BTBD9: variants seen among roughly 807,000 people sequenced by gnomAD.
The protein encoded by BTBD9 is BTB domain containing 9, also known as BTB/POZ domain-containing protein 9.
In BTBD9, 49 loss-of-function variants were observed where a neutral mutation model predicts 64.3. That is an observed-to-expected ratio of 0.76 (90% CI 0.61 to 0.97). The LOEUF is 0.97. Among genes scored for constraint, BTBD9 ranks in the 50% least tolerant of loss-of-function variants. The probability of loss-of-function intolerance (pLI) is 0.00; values close to 1 mark genes in which losing one functional copy is unlikely to be tolerated. For missense variants in BTBD9, 598 were observed against 762.1 expected (o/e 0.78, Z 2.53); for synonymous variants, 260 against 274.7 (o/e 0.95, Z 0.53).
chr6:38,565,714 G>A (rs1429338628), intron 6 of BTBD9, among the ~76,000 whole-genome samples: 1 of 152,154 alleles, frequency 6.6e-6, no homozygotes, highest in African/African-American at 2.4e-5. Context: ...TCATGGAGAG[G>A]AATAAACGTA....
At chr6:38,560,578 T>C (rs1775222686) in intron 6 of BTBD9, among the ~76,000 whole-genome samples, 3 of 152,158 alleles carry the variant, frequency 2.0e-5, no homozygotes, top group Admixed American at 1.3e-4. Context: ...TGAAATTTAT[T>C]TTTTTTAACT....
intron 7 of BTBD9, among the ~76,000 whole-genome samples, chr6:38,338,891 T>C (rs1420676274): frequency 1.3e-5 from 2 of 152,212 alleles, no homozygotes; most frequent in Non-Finnish European, 2.9e-5. Context: ...CTAAGAGAAA[T>C]GCAGTTAAAA....
In BTBD9 at chr6:38,392,782, G is replaced by C. The variant is rs557541158; in HGVS notation, c.1155-47689C>G. On this transcript the variant is annotated intron_variant, in intron 6 of 10. Coordinates refer to ENST00000481247, the MANE Select transcript of BTBD9 (RefSeq NM_001099272.2). Reference sequence around the variant, plus strand: ...ACAAAACAAAACACCAAAAAATATAGAGTTAATTTATAAAGCACAAAAATA... The same window carrying C: ...ACAAAACAAAACACCAAAAAATATACAGTTAATTTATAAAGCACAAAAATA... Among the ~76,000 whole-genome samples the C allele has an allele frequency of 4.4e-4, 66 of 151,060 alleles. 1 individual carries two copies. In the South Asian group the frequency reaches 0.013, roughly 29 times the overall value.
At chr6:38,318,658 G>C (rs533444755) in intron 7 of BTBD9, among the ~76,000 whole-genome samples, 14 of 152,280 alleles carry the variant, frequency 9.2e-5, no homozygotes, top group Non-Finnish European at 1.8e-4. Flanking sequence ...CATGCTGGGG[G>C]AAGAGTGACA....
intron 6 of BTBD9, among the ~76,000 whole-genome samples, chr6:38,473,829 G>A (rs894181811): frequency 6.6e-6 from 1 of 152,102 alleles, no homozygotes; most frequent in African/African-American, 2.4e-5. Flanking sequence ...AAGGGGTGAT[G>A]GTAGTCAAAA....
At chr6:38,300,385 A>G (rs1160113590) in intron 7 of BTBD9, among the ~76,000 whole-genome samples, 1 of 152,060 alleles carries the variant, frequency 6.6e-6, no homozygotes, top group Admixed American at 6.6e-5. Context: ...TTTTTTTCCA[A>G]TTCTGTGAAG....
In BTBD9 at chr6:38,474,588, T is replaced by A. The variant is rs570552234; in HGVS notation, c.1154+103012A>T. On this transcript the variant is annotated intron_variant, in intron 6 of 10. Transcript: ENST00000481247. ...GAAGAGAAAAGAAAAAGGAAAGAGC[T>A]GAGAGTAACCTGAACTAATCAAAGC... 5.9e-5 allele frequency among the ~76,000 whole-genome samples: 9 copies of A among 152,208 alleles called. No individual in the cohort carries two copies. In the South Asian group the frequency reaches 1.2e-3, roughly 21 times the overall value.
intron 1 of BTBD9, among the ~76,000 whole-genome samples, chr6:38,629,513 T>C (rs1203658564): frequency 1.3e-5 from 2 of 152,184 alleles, no homozygotes; most frequent in Admixed American, 1.3e-4. Flanking sequence ...AAACCTCAAG[T>C]GAGAGACATA....
At chr6:38,387,112 T>C (rs1766206264) in intron 6 of BTBD9, among the ~76,000 whole-genome samples, 1 of 152,242 alleles carries the variant, frequency 6.6e-6, no homozygotes, top group Non-Finnish European at 1.5e-5. Context: ...GAATTTACTC[T>C]TGGACATTCA....
chr6:38,456,904 A>T (rs1419510809), intron 6 of BTBD9, among the ~76,000 whole-genome samples: 1 of 152,230 alleles, frequency 6.6e-6, no homozygotes, highest in Non-Finnish European at 1.5e-5. Flanking sequence ...TATCTGGCCT[A>T]GCATTATAAA....
chr6:38,292,290 G>A (rs1761992860), intron 7 of BTBD9, among the ~76,000 whole-genome samples: 1 of 152,114 alleles, frequency 6.6e-6, no homozygotes, highest in African/African-American at 2.4e-5. Flanking sequence ...TTGTTGTTGT[G>A]TCTCTGCCAG....
Position 38,199,196 on chromosome 6 carries a change from G to T in BTBD9, c.1563-6599C>A, listed in dbSNP as rs570932486. On this transcript the variant is annotated intron_variant, in intron 9 of 10. Coordinates refer to ENST00000481247, the MANE Select transcript of BTBD9 (RefSeq NM_001099272.2). ...TAGGCACAGCAGAGGGTAGAATCCT[G>T]TAGCAGCTGAGAGCAAAGGAGTTAC... Among the ~76,000 whole-genome samples, 5 of 152,290 alleles carry T rather than the reference G, an allele frequency of 3.3e-5. No homozygotes were observed. In the South Asian group the frequency reaches 1.0e-3, roughly 32 times the overall value.
chr6:38,517,785 A>G (rs1224557583), intron 6 of BTBD9, among the ~76,000 whole-genome samples: 1 of 152,124 alleles, frequency 6.6e-6, no homozygotes, highest in Admixed American at 6.6e-5. Context: ...TGTAAAGCAA[A>G]AGCTAGCTGG....
At chr6:38,182,604 G>A (rs901945396) in intron 10 of BTBD9, among the ~76,000 whole-genome samples, 1 of 152,156 alleles carries the variant, frequency 6.6e-6, no homozygotes, top group Non-Finnish European at 1.5e-5. Context: ...TGCCTGGGCG[G>A]TTCTTCACTT....
chr6:38,528,708 C>G (rs962827640), intron 6 of BTBD9, among the ~76,000 whole-genome samples: 11 of 152,152 alleles, frequency 7.2e-5, no homozygotes, highest in African/African-American at 2.7e-4. Context: ...GGGAAGGACC[C>G]AGTCCTGGCA....
intron 8 of BTBD9, among the ~76,000 whole-genome samples, chr6:38,258,415 T>C (rs924393283): frequency 1.3e-5 from 2 of 152,240 alleles, no homozygotes; most frequent in Admixed American, 1.3e-4. Flanking sequence ...CCATACAAAC[T>C]ATGTGTTTTA....
rs551711968 is a variant in BTBD9, at chr6:38,169,691, G to A, written c.*5294C>T. On this transcript the variant is annotated 3_prime_UTR_variant, in exon 11 of 11. Transcript: ENST00000481247. Reference sequence around the variant, plus strand: ...GTGACAGCCTTGGGGAGGCTGAGGGGGCTCTGTCAACCAGGGGACACTAGT... The same window carrying A: ...GTGACAGCCTTGGGGAGGCTGAGGGAGCTCTGTCAACCAGGGGACACTAGT... 2 of 152,402 alleles carry A rather than the reference G, an allele frequency of 1.3e-5. No homozygotes were observed. Among genetic ancestry groups the A allele is most frequent in the East Asian group, 3.9e-4 (2 of 5,170 alleles). The allele number at this position is 152,402 out of a possible 1,614,324, so 9.4% of individuals were successfully genotyped here.
chr6:38,186,962 A>C lies in BTBD9; in HGVS notation c.1641+5557T>G, dbSNP rs143724958. Among the ~76,000 whole-genome samples the C allele has an allele frequency of 3.2e-3, 484 of 152,354 alleles. 3 individuals carry two copies. The highest frequency in any genetic ancestry group is 0.011 in the African/African-American group (448 of 41,580). On this transcript the variant is annotated intron_variant, in intron 10 of 10. Transcript: ENST00000481247. ...CGTTTTTATAAAAGCCATAAAAAGA[A>C]ACAGGCGTAGCTTCTGTTTCTTGAA...
chr6:38,252,461 T>TATAAACA (rs1764435654), intron 9 of BTBD9, among the ~76,000 whole-genome samples: 1 of 152,226 alleles, frequency 6.6e-6, no homozygotes. Context: ...AAGTTACGCC[T>TATAAACA]ATAAACATAA....
Sources: allele counts gnomAD v4.1 joint callset (sites outside exome capture counted in the v4.1 genomes callset), GRCh38; gene constraint gnomAD v4.1.1; transcripts MANE v1.5; gene names NCBI Gene and HGNC (gene_info 2026-07-23, HGNC 2026-07-21).